The following CTDSPL variants were observed in gnomAD, a reference collection of about 807,000 sequenced individuals.
The protein encoded by CTDSPL is CTD small phosphatase like.
Under a neutral mutation model 30.5 loss-of-function variants are expected in CTDSPL, and 8 were observed. The ratio of observed to expected loss-of-function variants is 0.26; its 90% CI spans 0.15 to 0.47. CTDSPL has a LOEUF of 0.47. Among genes scored for constraint, CTDSPL ranks in the 20% least tolerant of loss-of-function variants. The probability of loss-of-function intolerance (pLI) is 0.99; values close to 1 mark genes in which losing one functional copy is unlikely to be tolerated. For missense variants in CTDSPL, 248 were observed against 366.1 expected, an observed-to-expected ratio of 0.68 and a Z score of 2.63; for synonymous variants, 110 against 137.9, an observed-to-expected ratio of 0.80 and a Z score of 1.42.
chr3:37,871,564 A>T (rs1698071808), intron 1 of CTDSPL, among the ~76,000 whole-genome samples: 1 of 152,218 alleles, frequency 6.6e-6, no homozygotes, highest in South Asian at 2.1e-4. Context: ...TACCATCTTT[A>T]GCTTTCAGAA....
At chr3:37,927,638 G>GTGTA (rs1698796834) in intron 1 of CTDSPL, among the ~76,000 whole-genome samples, 1 of 59,506 alleles carries the variant, frequency 1.7e-5, no homozygotes, top group South Asian at 6.9e-4. Flanking sequence ...AAAAATATAT[G>GTGTA]TGTGTGTGTG....
intron 3 of CTDSPL, among the ~76,000 whole-genome samples, chr3:37,963,409 A>G (rs901448062): frequency 6.6e-6 from 1 of 152,222 alleles, no homozygotes; most frequent in Non-Finnish European, 1.5e-5. Context: ...AAAAAAATAA[A>G]AAGAGGAAAG....
intron 1 of CTDSPL, among the ~76,000 whole-genome samples, chr3:37,918,041 G>A (rs944511420): frequency 6.6e-6 from 1 of 152,172 alleles, no homozygotes; most frequent in Non-Finnish European, 1.5e-5. Context: ...TAAGTGAGGG[G>A]AGATGGGGAG....
intron 1 of CTDSPL, among the ~76,000 whole-genome samples, chr3:37,891,508 C>T (rs1698325253): frequency 6.6e-6 from 1 of 152,254 alleles, no homozygotes. Context: ...AAAACCCAGA[C>T]TGTCCTCTTT....
At chr3:37,974,890 C>G (rs1699408094) in intron 6 of CTDSPL, among the ~76,000 whole-genome samples, 1 of 152,162 alleles carries the variant, frequency 6.6e-6, no homozygotes, top group Non-Finnish European at 1.5e-5. Flanking sequence ...TGGTGAAATT[C>G]ATGTTTACTG....
In CTDSPL at chr3:37,984,097, A is replaced by T; in HGVS notation, c.*3230A>T. 1 of 407,946 alleles carries T rather than the reference A, an allele frequency of 2.5e-6. No homozygotes were observed. The highest frequency in any genetic ancestry group is 5.2e-6 in the Non-Finnish European group (1 of 193,454). The allele number at this position is 407,946 out of a possible 1,614,324, so 25.3% of individuals were successfully genotyped here. Reference sequence around the variant, plus strand: ...ATCCTACGTTTGTGCCTCTGCTTTTAAAGGTGCTGTGCTGGACAGTTGGCA... The same window carrying T: ...ATCCTACGTTTGTGCCTCTGCTTTTTAAGGTGCTGTGCTGGACAGTTGGCA... On this transcript the variant is annotated 3_prime_UTR_variant, in exon 8 of 8. Coordinates refer to ENST00000273179, the MANE Select transcript of CTDSPL (RefSeq NM_001008392.2).
chr3:37,945,244 T>A (rs1699022595), intron 1 of CTDSPL, among the ~76,000 whole-genome samples: 1 of 150,486 alleles, frequency 6.6e-6, no homozygotes. Flanking sequence ...ACAAGTTTAT[T>A]GCAATGCTTT....
chr3:37,868,102 T>C (rs1559620151), intron 1 of CTDSPL, among the ~76,000 whole-genome samples: 1 of 152,160 alleles, frequency 6.6e-6, no homozygotes. Context: ...TCACTATTTT[T>C]CATATTAGCC....
At chr3:37,871,204 A>G (rs1698067944) in intron 1 of CTDSPL, among the ~76,000 whole-genome samples, 1 of 152,206 alleles carries the variant, frequency 6.6e-6, no homozygotes, top group African/African-American at 2.4e-5. Context: ...ACTTGGAATC[A>G]TATAGTATGT....
chr3:37,981,846 T>C lies in CTDSPL; in HGVS notation c.*979T>C, dbSNP rs774024711. The C allele has an allele frequency of 2.2e-6, 1 of 457,192 alleles. No individual in the cohort carries two copies. The highest frequency in any genetic ancestry group is 4.4e-6 in the Non-Finnish European group (1 of 227,108). 28.3% of individuals were successfully genotyped at this position (457,192 alleles called of 1,614,324 possible). A position where few individuals can be genotyped will look rare whatever the true frequency, so the allele number is the denominator to read the frequency against. On this transcript the variant is annotated 3_prime_UTR_variant, in exon 8 of 8. Transcript: ENST00000273179. ...AAAGCTGGATACACATGGAGCTGTTTGGGAATTTTCCTTGCTGCTACCGCG... is the reference window on the plus strand; with the variant it reads ...AAAGCTGGATACACATGGAGCTGTTCGGGAATTTTCCTTGCTGCTACCGCG...
At chr3:37,911,768 A>G (rs934107802) in intron 1 of CTDSPL, 6 of 455,878 alleles carry the variant, frequency 1.3e-5, no homozygotes, top group Non-Finnish European at 2.6e-5. Flanking sequence ...CTAAAGAGAG[A>G]AGGAGGACAG....
intron 1 of CTDSPL, among the ~76,000 whole-genome samples, chr3:37,867,692 A>G (rs999545091): frequency 4.6e-5 from 7 of 152,226 alleles, no homozygotes; most frequent in Non-Finnish European, 7.3e-5. Flanking sequence ...CAAAAATAAT[A>G]CAGAGAGGTC....
chr3:37,977,042 T>A (rs1196419617), intron 7 of CTDSPL, among the ~76,000 whole-genome samples: 2 of 152,190 alleles, frequency 1.3e-5, no homozygotes, highest in South Asian at 2.1e-4. Context: ...CCAAAAAAAA[T>A]TCAAACTCAA....
intron 1 of CTDSPL, among the ~76,000 whole-genome samples, chr3:37,946,194 C>T (rs192231913): frequency 1.8e-3 from 270 of 152,360 alleles, no homozygotes; most frequent in Non-Finnish European, 3.2e-3. Flanking sequence ...TGTCAGTCCT[C>T]CCCTGAGGGG....
In CTDSPL at chr3:37,968,315, C is replaced by A. The variant is rs772006543; in HGVS notation, c.426+433C>A. The A allele has an allele frequency of 9.5e-5, 42 of 439,844 alleles. 1 individual carries two copies. Among genetic ancestry groups the A allele is most frequent in the Middle Eastern group, 3.3e-4 (1 of 3,042 alleles). 27.2% of individuals were successfully genotyped at this position (439,844 alleles called of 1,614,324 possible). On this transcript the variant is annotated intron_variant, in intron 5 of 7. Coordinates refer to ENST00000273179, the MANE Select transcript of CTDSPL (RefSeq NM_001008392.2). ...GCTGCTCCAGACTGATCTTATCATT[C>A]CTGCATCGTTTTCTCCAGAGAATCT...
intron 1 of CTDSPL, among the ~76,000 whole-genome samples, chr3:37,923,322 G>C (rs1326336064): frequency 1.3e-5 from 2 of 152,176 alleles, no homozygotes; most frequent in African/African-American, 4.8e-5. Flanking sequence ...GGAGCCTTGA[G>C]CTCTTCTTTT....
chr3:37,913,833 A>C (rs1698611891), intron 1 of CTDSPL, among the ~76,000 whole-genome samples: 1 of 152,254 alleles, frequency 6.6e-6, no homozygotes, highest in Non-Finnish European at 1.5e-5. Flanking sequence ...TCTTTTGCCA[A>C]AATGACACTT....
At chr3:37,970,026 G>T (rs1455579601) in intron 5 of CTDSPL, among the ~76,000 whole-genome samples, 1 of 152,116 alleles carries the variant, frequency 6.6e-6, no homozygotes, top group Admixed American at 6.5e-5. Flanking sequence ...TGCCCACTGT[G>T]ACCTGCCTCT....
rs145140845 is a variant in CTDSPL, at chr3:37,874,801, C to T, written c.79+12523C>T. On this transcript the variant is annotated intron_variant, in intron 1 of 7. Coordinates refer to ENST00000273179, the MANE Select transcript of CTDSPL (RefSeq NM_001008392.2). ...GCACACACACAAGTTTCTTCATTTGCTTTGATGGTAACCTATGGTGCCAAG... is the reference window on the plus strand; with the variant it reads ...GCACACACACAAGTTTCTTCATTTGTTTTGATGGTAACCTATGGTGCCAAG... Among the ~76,000 whole-genome samples the T allele has an allele frequency of 7.6e-3, 1,150 of 152,140 alleles. 4 individuals carry two copies. Among genetic ancestry groups the T allele is most frequent in the Non-Finnish European group, 0.011 (774 of 67,992 alleles).
Sources: gnomAD v4.1 joint callset for allele counts (sites outside exome capture counted in the v4.1 genomes callset) on GRCh38, gnomAD v4.1.1 for gene constraint, MANE v1.5 for transcripts, NCBI Gene and HGNC (gene_info 2026-07-23, HGNC 2026-07-21) for gene names.